ZCCHC14: variants seen among roughly 807,000 people sequenced by gnomAD.
The protein encoded by ZCCHC14 is zinc finger CCHC domain-containing protein 14.
A neutral mutation model predicts 85.0 loss-of-function variants in ZCCHC14; 16 were observed. The observed-to-expected ratio is 0.19, with a 90% confidence interval of 0.13 to 0.29. The LOEUF is 0.29. ZCCHC14 is among the 10% of genes least tolerant of loss of function. The pLI is 1.00. For synonymous variants in ZCCHC14, 775 were observed against 630.7 expected (o/e 1.23, Z -3.43); for missense variants, 1,303 against 1,443.5 (o/e 0.90, Z 1.58).
At chr16:87,473,480 G>T (rs1057266826) in intron 1 of ZCCHC14, 1 of 152,274 alleles carries the variant, frequency 6.6e-6, no homozygotes, top group Non-Finnish European at 1.5e-5. Flanking sequence ...TGGGATTACA[G>T]GCGTGAGCCA....
chr16:87,470,267 C>T (rs1300611382), intron 1 of ZCCHC14: 2 of 152,048 alleles, frequency 1.3e-5, no homozygotes, highest in African/African-American at 4.8e-5. Flanking sequence ...GAAGTTGAGG[C>T]TGCAATGAGC....
chr16:87,414,977 G>C (rs1002011612), intron 9 of ZCCHC14, among the ~76,000 whole-genome samples: 3 of 152,238 alleles, frequency 2.0e-5, no homozygotes, highest in African/African-American at 7.2e-5. Flanking sequence ...AGGTACTTGG[G>C]AGACTGAGGC....
intron 1 of ZCCHC14, among the ~76,000 whole-genome samples, chr16:87,462,348 C>G (rs189954422): frequency 6.6e-6 from 1 of 152,270 alleles, no homozygotes; most frequent in Admixed American, 6.5e-5. Context: ...AGAACCGATA[C>G]AAGTACGATA....
chr16:87,420,238 G>A lies in ZCCHC14; in HGVS notation c.951-361C>T, dbSNP rs766734706. Among the ~76,000 whole-genome samples the A allele has an allele frequency of 1.3e-5, 2 of 152,318 alleles. No individual in the cohort carries two copies. The highest frequency in any genetic ancestry group is 6.5e-5 in the Admixed American group (1 of 15,298). On this transcript the variant is annotated intron_variant, in intron 5 of 12. Transcript: ENST00000671377. The surrounding 1 kb of genome is among the most constrained non-coding windows in gnomAD (Gnocchi z 5.0). ...TCGGCCATGTTACTTCGTGTGCCAC[G>A]TGAGCCAAGACACGATCGAGGGTCC...
chr16:87,483,386 G>A (rs908261263), intron 1 of ZCCHC14, among the ~76,000 whole-genome samples: 24 of 149,588 alleles, frequency 1.6e-4, no homozygotes, highest in Non-Finnish European at 1.9e-4. Context: ...AGCTACTTGG[G>A]TGGCTGAGGC....
chr16:87,481,306 C>A (rs144870774), intron 1 of ZCCHC14, among the ~76,000 whole-genome samples: 215 of 152,150 alleles, frequency 1.4e-3, no homozygotes, highest in African/African-American at 5.1e-3. Flanking sequence ...GAAGTTGTTT[C>A]TTGCAGACTT....
At chr16:87,475,816 T>C (rs1233641521) in intron 1 of ZCCHC14, among the ~76,000 whole-genome samples, 1 of 151,898 alleles carries the variant, frequency 6.6e-6, no homozygotes, top group African/African-American at 2.4e-5. Flanking sequence ...GAGAGAGAGA[T>C]TGAGGCAGAA....
Position 87,412,550 on chromosome 16 carries a change from G to A in ZCCHC14, c.2171C>T (p.Thr724Ile), listed in dbSNP as rs572771479. 12 of 1,614,130 alleles carry A rather than the reference G, an allele frequency of 7.4e-6. No individual in the cohort carries two copies. In the East Asian group the frequency reaches 2.5e-4, roughly 33 times the overall value. The change falls in exon 12 of 13, where the codon ACA becomes ATA. Residue 724 changes from threonine (T) to isoleucine (I), a missense_variant. This residue lies in a region of ZCCHC14 where 797 missense variants were observed against 730.8 expected (regional missense o/e 1.09). Transcript: ENST00000671377. The part of the protein sequence containing the change: ...GLSESSSMSP[T>I]VSFGPRTKVV... The stretch of plus-strand genomic sequence containing the variant: ...TTTGGTCCGGGGACCAAAGGAGACT[G>A]TGGGTGACATGGAGCTGCTCTCCGA...
chr16:87,443,927 C>T (rs928795003), intron 2 of ZCCHC14, among the ~76,000 whole-genome samples: 6 of 151,636 alleles, frequency 4.0e-5, no homozygotes, highest in African/African-American at 1.5e-4. Flanking sequence ...GTCCCAGCTC[C>T]TCAGGAGGCT....
At chr16:87,428,542 G>A (rs1469521598) in intron 3 of ZCCHC14, among the ~76,000 whole-genome samples, 1 of 152,176 alleles carries the variant, frequency 6.6e-6, no homozygotes, top group Non-Finnish European at 1.5e-5. Flanking sequence ...GAATCTTCAA[G>A]TATTTTTTTT....
chr16:87,480,173 G>A (rs1344951984), intron 1 of ZCCHC14, among the ~76,000 whole-genome samples: 1 of 152,074 alleles, frequency 6.6e-6, no homozygotes, highest in Admixed American at 6.5e-5. Context: ...GGAGGCTGAG[G>A]CAGGCGGATC....
chr16:87,461,574 C>T (rs552872499), intron 1 of ZCCHC14, among the ~76,000 whole-genome samples: 10 of 152,286 alleles, frequency 6.6e-5, no homozygotes, highest in East Asian at 1.9e-4. Context: ...CATACCTGGA[C>T]GGTAGGTGGC....
chr16:87,435,522 C>A (rs1326012628), intron 2 of ZCCHC14, among the ~76,000 whole-genome samples: 1 of 152,274 alleles, frequency 6.6e-6, no homozygotes, highest in Non-Finnish European at 1.5e-5. Flanking sequence ...GCCAACGACA[C>A]TGACTCCCTG....
At chr16:87,455,035 T>C (rs1597433768) in intron 2 of ZCCHC14, among the ~76,000 whole-genome samples, 1 of 152,298 alleles carries the variant, frequency 6.6e-6, no homozygotes, top group Admixed American at 6.5e-5. Flanking sequence ...ACATCTGTAA[T>C]CCCAGCACTG....
At chr16:87,454,598 G>A (rs1910861773) in intron 2 of ZCCHC14, among the ~76,000 whole-genome samples, 1 of 152,238 alleles carries the variant, frequency 6.6e-6, no homozygotes, top group Admixed American at 6.5e-5. Flanking sequence ...CAGCAGAACT[G>A]CAGTGAAAGA....
intron 1 of ZCCHC14, among the ~76,000 whole-genome samples, chr16:87,477,375 T>A (rs1368683706): frequency 6.6e-6 from 1 of 152,062 alleles, no homozygotes; most frequent in Admixed American, 6.5e-5. Context: ...AGACCATGGA[T>A]CCCGCCCAGG....
intron 12 of ZCCHC14, among the ~76,000 whole-genome samples, chr16:87,411,190 TG>T (rs1908416103): frequency 6.6e-6 from 1 of 152,104 alleles, no homozygotes; most frequent in South Asian, 2.1e-4. Context: ...AGGGCCCCAG[TG>T]TTAAGCCAGG....
chr16:87,467,500 T>G, intron 1 of ZCCHC14: 1 of 1,606,552 alleles, frequency 6.2e-7, no homozygotes, highest in Middle Eastern at 1.7e-4. Flanking sequence ...CACTATGACA[T>G]GAATACAGCA....
At chr16:87,447,281 G>C (rs1423474906) in intron 2 of ZCCHC14, among the ~76,000 whole-genome samples, 1 of 151,934 alleles carries the variant, frequency 6.6e-6, no homozygotes, top group Non-Finnish European at 1.5e-5. Context: ...AAGGGCCTGT[G>C]TGAAACGGCA....
Sources: gnomAD v4.1 joint callset for allele counts (sites outside exome capture counted in the v4.1 genomes callset) on GRCh38, gnomAD v4.1.1 for gene constraint, gnomAD v4.1.1 regional missense constraint, Gnocchi (gnomAD v3.1) non-coding constraint, MANE v1.5 for transcripts, NCBI Gene and HGNC (gene_info 2026-07-23, HGNC 2026-07-21) for gene names.